Variants in SPATS2 observed in about 807,000 individuals in gnomAD.
SPATS2 encodes the protein spermatogenesis associated serine rich 2.
A neutral mutation model predicts 63.7 loss-of-function variants in SPATS2; 38 were observed. The ratio of observed to expected loss-of-function variants is 0.60; its 90% CI spans 0.46 to 0.78. The LOEUF (loss-of-function observed/expected upper bound fraction) is 0.78. SPATS2 is among the 30% of genes least tolerant of loss of function. The pLI, the probability that SPATS2 is intolerant of heterozygous loss-of-function variation, is 0.00. For missense variants in SPATS2, 588 were observed against 666.2 expected (o/e 0.88, Z 1.29); for synonymous variants, 207 against 232.9 (o/e 0.89, Z 1.01).
In SPATS2 at chr12:49,367,476, T is replaced by C; in HGVS notation, c.-418T>C. 2.5e-6 allele frequency: 1 copy of C among 399,372 alleles called. No homozygotes were observed. Among genetic ancestry groups the C allele is most frequent in the Non-Finnish European group, 4.4e-6 (1 of 227,486 alleles). 24.7% of individuals were successfully genotyped at this position (399,372 alleles called of 1,614,324 possible). ...AGGAGCGCGGCGGCGACGGCGGCGG[T>C]GGCTCTAGAAGGGGAGGTGGAGGAT... On this transcript the variant is annotated 5_prime_UTR_variant, in exon 1 of 14. Coordinates refer to ENST00000552918, the MANE Select transcript of SPATS2 (RefSeq NM_023071.4).
intron 2 of SPATS2, among the ~76,000 whole-genome samples, chr12:49,440,065 T>G (rs142078583): frequency 6.6e-6 from 1 of 152,336 alleles, no homozygotes; most frequent in African/African-American, 2.4e-5. Context: ...TCTGATATGC[T>G]TTCTTTAGCA....
chr12:49,441,245 C>A (rs544526271), intron 2 of SPATS2, among the ~76,000 whole-genome samples: 1 of 152,236 alleles, frequency 6.6e-6, no homozygotes, highest in African/African-American at 2.4e-5. Context: ...GTACTTATTT[C>A]TAAGTAATAG....
Position 49,515,587 on chromosome 12 carries a change from T to A in SPATS2, c.898+974T>A, listed in dbSNP as rs145433397. Among the ~76,000 whole-genome samples the A allele has an allele frequency of 2.0e-3, 301 of 152,356 alleles. 7 individuals carry two copies. In the East Asian group the frequency reaches 0.023, roughly 12 times the overall value. ...TCCACTGTTTTTCAGAGGTGAGATT[T>A]CATTACATTGAGCAATATATTTTGA... On this transcript the variant is annotated intron_variant, in intron 10 of 13. Transcript: ENST00000552918.
intron 3 of SPATS2, among the ~76,000 whole-genome samples, chr12:49,471,849 C>G (rs140028617): frequency 1.7e-4 from 26 of 152,256 alleles, no homozygotes; most frequent in Non-Finnish European, 3.1e-4. Context: ...CTAGGTAACA[C>G]ATATTTAAGT....
Position 49,519,062 on chromosome 12 carries a change from T to G in SPATS2, c.899-11T>G. On this transcript the variant is annotated splice_polypyrimidine_tract_variant and intron_variant, in intron 10 of 13. Coordinates refer to ENST00000552918, the MANE Select transcript of SPATS2 (RefSeq NM_023071.4). Reference sequence around the variant, plus strand: ...AGCAACATAAGGTTCACACTCACTTTTCCTCTACAGTGGAAATTTTGCTCA... The same window carrying G: ...AGCAACATAAGGTTCACACTCACTTGTCCTCTACAGTGGAAATTTTGCTCA... 6.8e-6 allele frequency: 11 copies of G among 1,610,504 alleles called. No individual in the cohort carries two copies. The highest frequency in any genetic ancestry group is 9.3e-6 in the Non-Finnish European group (11 of 1,177,240).
chr12:49,428,678 G>A (rs779949514), intron 2 of SPATS2, among the ~76,000 whole-genome samples: 15 of 152,090 alleles, frequency 9.9e-5, no homozygotes, highest in Non-Finnish European at 2.2e-4. Context: ...CACATAGTAG[G>A]TTTATGTTAA....
At chr12:49,427,799 A>G (rs1485725487) in intron 2 of SPATS2, among the ~76,000 whole-genome samples, 2 of 152,186 alleles carry the variant, frequency 1.3e-5, no homozygotes, top group Non-Finnish European at 2.9e-5. Context: ...TATATTTTTG[A>G]CTTATAATTT....
chr12:49,413,055 C>T lies in SPATS2; in HGVS notation c.-244+41765C>T, dbSNP rs538852691. 2.0e-5 allele frequency among the ~76,000 whole-genome samples: 3 copies of T among 151,986 alleles called. No homozygotes were observed. The South Asian group carries it at 6.3e-4, about 32-fold the overall frequency. Reference sequence around the variant, plus strand: ...CGAGTCTCAGGCTGGGGTCTCCAGACACGTTGTTAAACAGTTGTTTTGTTC... The same window carrying T: ...CGAGTCTCAGGCTGGGGTCTCCAGATACGTTGTTAAACAGTTGTTTTGTTC... On this transcript the variant is annotated intron_variant, in intron 2 of 13. Coordinates refer to ENST00000552918, the MANE Select transcript of SPATS2 (RefSeq NM_023071.4).
Position 49,398,135 on chromosome 12 carries a change from C to CAAAA in SPATS2, c.-244+26867_-244+26870dup, listed in dbSNP as rs71080193. 3.4e-3 allele frequency among the ~76,000 whole-genome samples: 156 copies of CAAAA among 45,220 alleles called. 13 individuals carry two copies. The highest frequency in any genetic ancestry group is 0.018 in the Middle Eastern group (1 of 56). The allele number at this position is 45,220 out of a possible 152,430, so 29.7% of individuals were successfully genotyped here. A position where few individuals can be genotyped will look rare whatever the true frequency, so the allele number is the denominator to read the frequency against. On this transcript the variant is annotated intron_variant, in intron 2 of 13. Coordinates refer to ENST00000552918, the MANE Select transcript of SPATS2 (RefSeq NM_023071.4). Reference sequence around the variant, plus strand: ...TGGGAGACAGAGGGAGACCCTGTCTCAAAAAAAAAAAAAAAAAAAAAAAAA... The same window carrying CAAAA: ...TGGGAGACAGAGGGAGACCCTGTCTCAAAAAAAAAAAAAAAAAAAAAAAAAAAAA...
Position 49,526,579 on chromosome 12 carries a change from T to A in SPATS2, c.*324T>A. On this transcript the variant is annotated 3_prime_UTR_variant, in exon 14 of 14. Transcript: ENST00000552918. ...CCAGGCTGTCTCAGGAGGAGGTGAATCAGAGCTAGTCTGTCACCTTTCCAA... is the reference window on the plus strand; with the variant it reads ...CCAGGCTGTCTCAGGAGGAGGTGAAACAGAGCTAGTCTGTCACCTTTCCAA... 3.5e-6 allele frequency: 1 copy of A among 285,320 alleles called. No homozygotes were observed. The highest frequency in any genetic ancestry group is 6.6e-6 in the Non-Finnish European group (1 of 152,446). The allele number at this position is 285,320 out of a possible 1,614,324, so 17.7% of individuals were successfully genotyped here.
chr12:49,396,045 A>G (rs1944505208), intron 2 of SPATS2, among the ~76,000 whole-genome samples: 1 of 152,182 alleles, frequency 6.6e-6, no homozygotes, highest in Admixed American at 6.5e-5. Flanking sequence ...ATAGTGTTTC[A>G]GGGTTCATCC....
intron 2 of SPATS2, among the ~76,000 whole-genome samples, chr12:49,408,201 AT>A (rs1944729216): frequency 6.6e-6 from 1 of 151,848 alleles, no homozygotes; most frequent in East Asian, 1.9e-4. Context: ...GATAGCAGAG[AT>A]ACGCCCGCTT....
At chr12:49,488,776 G>A (rs1242405082) in intron 4 of SPATS2, among the ~76,000 whole-genome samples, 1 of 152,080 alleles carries the variant, frequency 6.6e-6, no homozygotes, top group South Asian at 2.1e-4. Context: ...TTTATGTAGT[G>A]CAAAATAATA....
At chr12:49,403,640 C>CACAA (rs1555180265) in intron 2 of SPATS2, among the ~76,000 whole-genome samples, 88 of 143,052 alleles carry the variant, frequency 6.2e-4, no homozygotes, top group African/African-American at 1.8e-3. Context: ...CACACACACA[C>CACAA]AAACAAAACT....
chr12:49,416,106 C>T (rs1399106960), intron 2 of SPATS2, among the ~76,000 whole-genome samples: 2 of 151,672 alleles, frequency 1.3e-5, no homozygotes, highest in Non-Finnish European at 2.9e-5. Flanking sequence ...GTGTAACACA[C>T]ATCCCAAATT....
At chr12:49,491,855 C>T (rs1946388009) in intron 6 of SPATS2, among the ~76,000 whole-genome samples, 1 of 152,222 alleles carries the variant, frequency 6.6e-6, no homozygotes, top group Non-Finnish European at 1.5e-5. Context: ...TCCCACAGCT[C>T]TGCACTGTAA....
intron 2 of SPATS2, among the ~76,000 whole-genome samples, chr12:49,397,919 G>T (rs1430985137): frequency 6.6e-6 from 1 of 150,662 alleles, no homozygotes; most frequent in Non-Finnish European, 1.5e-5. Flanking sequence ...GGAGGCCGAG[G>T]TGGGCAGATC....
At chr12:49,454,428 A>G (rs928188879) in intron 2 of SPATS2, 2 of 152,242 alleles carry the variant, frequency 1.3e-5, no homozygotes, top group African/African-American at 2.4e-5. Flanking sequence ...ACATTCAACT[A>G]ATGTGGGCTA....
intron 2 of SPATS2, among the ~76,000 whole-genome samples, chr12:49,422,928 T>G (rs926796712): frequency 6.6e-6 from 1 of 152,016 alleles, no homozygotes; most frequent in South Asian, 2.1e-4. Context: ...AAAAAAAATT[T>G]TTTTAATTGA....
Sources: allele counts gnomAD v4.1 joint callset (sites outside exome capture counted in the v4.1 genomes callset), GRCh38; gene constraint gnomAD v4.1.1; transcripts MANE v1.5; gene names NCBI Gene and HGNC (gene_info 2026-07-23, HGNC 2026-07-21).